Variants in RAB40C observed in about 807,000 individuals in gnomAD.
RAB40C encodes the protein RAB40C, member RAS oncogene family, also known as ras-related protein Rab-40C.
In RAB40C, 8 loss-of-function variants were observed where a neutral mutation model predicts 28.1. The ratio of observed to expected loss-of-function variants is 0.28; its 90% confidence interval spans 0.17 to 0.51. RAB40C has a LOEUF of 0.51. RAB40C is among the 20% of genes least tolerant of loss of function. RAB40C has a pLI of 0.97. For missense variants in RAB40C, 288 were observed against 405.9 expected (o/e 0.71, Z 2.50); for synonymous variants, 201 against 171.7 (o/e 1.17, Z -1.34).
At chr16:624,229 G>A in intron 3 of RAB40C, 4 of 985,412 alleles carry the variant, frequency 4.1e-6, no homozygotes, top group African/African-American at 1.7e-5. Context: ...TAGGGAGAGT[G>A]GGCTGTGTTG....
chr16:592,267 G>A (rs1269742940), intron 1 of RAB40C, among the ~76,000 whole-genome samples: 2 of 152,234 alleles, frequency 1.3e-5, no homozygotes, highest in Non-Finnish European at 2.9e-5. Flanking sequence ...TGGCTGCTGA[G>A]AGTGTGGGCG....
chr16:624,700 T>A, intron 3 of RAB40C: 4 of 985,462 alleles, frequency 4.1e-6, no homozygotes, highest in Non-Finnish European at 4.8e-6. Context: ...TGGATCTGGT[T>A]GCAGAATTGT....
intron 1 of RAB40C, among the ~76,000 whole-genome samples, chr16:603,893 G>A (rs942946057): frequency 6.6e-6 from 1 of 152,136 alleles, no homozygotes; most frequent in Non-Finnish European, 1.5e-5. Flanking sequence ...ACTTATTCAT[G>A]ATGTACAATA....
In RAB40C at chr16:619,399, A is replaced by G. The variant is rs568421315; in HGVS notation, c.264+1139A>G. The stretch of plus-strand genomic sequence containing the variant: ...CCATGTGTGCAGTGTGTGTGCAGGT[A>G]TGGTGGGTGCGCTTGGCCACCCTCG... On this transcript the variant is annotated intron_variant, in intron 3 of 5. Transcript: ENST00000248139. Among the ~76,000 whole-genome samples, 24 of 151,864 alleles carry G rather than the reference A, an allele frequency of 1.6e-4. 2 individuals are homozygous for G. The South Asian group carries it at 3.0e-3, about 19-fold the overall frequency.
chr16:623,010 G>A lies in RAB40C; in HGVS notation c.265-2422G>A, dbSNP rs1164246206. On this transcript the variant is annotated intron_variant, in intron 3 of 5. Coordinates refer to ENST00000248139, the MANE Select transcript of RAB40C (RefSeq NM_021168.5). ...TCCCTGCGGCCTCACTGTGACCCACGCCGGAGCAAGCCTCCGGGTCCTCCT... is the reference window on the plus strand; with the variant it reads ...TCCCTGCGGCCTCACTGTGACCCACACCGGAGCAAGCCTCCGGGTCCTCCT... Among the ~76,000 whole-genome samples the A allele has an allele frequency of 2.0e-5, 3 of 151,846 alleles. No individual in the cohort carries two copies. The East Asian group carries it at 5.8e-4, about 29-fold the overall frequency.
At position 626,125 on chromosome 16, in the gene RAB40C, G is replaced by T. The variant is rs181055164; in HGVS notation, c.565+4G>T. On this transcript the variant is annotated splice_donor_region_variant and intron_variant, in intron 5 of 5. Transcript: ENST00000248139. ...AAGATCTGGAGGCCCAACCGAGGTGGGTGGGCGGGCGCCGGCCAGCCCTGA... is the reference window on the plus strand; with the variant it reads ...AAGATCTGGAGGCCCAACCGAGGTGTGTGGGCGGGCGCCGGCCAGCCCTGA... 1.9e-6 allele frequency: 3 copies of T among 1,611,452 alleles called. No individual in the cohort carries two copies. The highest frequency in any genetic ancestry group is 2.5e-6 in the Non-Finnish European group (3 of 1,178,824).
chr16:620,780 C>T (rs1198180614), intron 3 of RAB40C, among the ~76,000 whole-genome samples: 8 of 112,772 alleles, frequency 7.1e-5, no homozygotes, highest in African/African-American at 2.2e-4. Flanking sequence ...GGCTCCACCG[C>T]GGGCATCCCA....
At chr16:625,858 G>A (rs1227915647) in intron 4 of RAB40C, 41 bp from the exon 5 acceptor site, 1 of 1,548,816 alleles carries the variant, frequency 6.5e-7, no homozygotes, top group Non-Finnish European at 8.8e-7. Context: ...GGGGTGGGTG[G>A]CACCCTGCGT....
chr16:627,724 C>G lies in RAB40C; in HGVS notation c.*102C>G. The G allele has an allele frequency of 7.4e-7, 1 of 1,356,792 alleles. No individual in the cohort carries two copies. Among genetic ancestry groups the G allele is most frequent in the South Asian group, 1.5e-5 (1 of 67,286 alleles). 84.0% of individuals were successfully genotyped at this position (1,356,792 alleles called of 1,614,324 possible). A position where few individuals can be genotyped will look rare whatever the true frequency, so the allele number is the denominator to read the frequency against. On this transcript the variant is annotated 3_prime_UTR_variant, in exon 6 of 6. Transcript: ENST00000248139. ...GCCGCCTACGTGGAGACTGTCCACA[C>G]AGCTGCCTCAGAAGCGCCGGGCTTT...
At chr16:604,188 G>A (rs2036311107) in intron 1 of RAB40C, among the ~76,000 whole-genome samples, 1 of 151,654 alleles carries the variant, frequency 6.6e-6, no homozygotes, top group Non-Finnish European at 1.5e-5. Flanking sequence ...CCTAGCAGCT[G>A]GGACTACAGG....
intron 3 of RAB40C, among the ~76,000 whole-genome samples, chr16:618,696 TGTA>T (rs1298021115): frequency 6.8e-6 from 1 of 147,812 alleles, no homozygotes; most frequent in Non-Finnish European, 1.5e-5. Flanking sequence ...TGTGCACAGG[TGTA>T]GTGGGTGCAC....
At chr16:593,779 C>T (rs1249276402) in intron 1 of RAB40C, among the ~76,000 whole-genome samples, 2 of 152,222 alleles carry the variant, frequency 1.3e-5, no homozygotes. Flanking sequence ...GTTTCTGGAT[C>T]TCTAGGTCTG....
chr16:610,063 T>C lies in RAB40C; in HGVS notation c.143-7145T>C, dbSNP rs560011177. Among the ~76,000 whole-genome samples the C allele has an allele frequency of 6.6e-6, 1 of 152,318 alleles. No homozygotes were observed. The highest frequency in any genetic ancestry group is 2.1e-4 in the South Asian group (1 of 4,818). On this transcript the variant is annotated intron_variant, in intron 1 of 5. Transcript: ENST00000248139. This position sits in a 1 kb window ranked among gnomAD's most constrained non-coding sequence, Gnocchi z 4.6. ...TCGGGTGCCAGGCCAGGGCCAGATG[T>C]AGCCTCATACCAGCCCAGCTGGGAG...
In RAB40C at chr16:618,870, G is replaced by A. The variant is rs535720962; in HGVS notation, c.264+610G>A. ...GTGCAGGCATGTGCACAGGTCTGGC[G>A]GGGGCACTGGGGCCATGTGTGCAGT... On this transcript the variant is annotated intron_variant, in intron 3 of 5. Transcript: ENST00000248139. Among the ~76,000 whole-genome samples the A allele has an allele frequency of 3.2e-4, 33 of 103,874 alleles. 1 individual carries two copies. Among genetic ancestry groups the A allele is most frequent in the Non-Finnish European group, 5.2e-4 (27 of 52,190 alleles). The allele number at this position is 103,874 out of a possible 152,430, so 68.1% of individuals were successfully genotyped here. A position where few individuals can be genotyped will look rare whatever the true frequency, so the allele number is the denominator to read the frequency against.
At chr16:625,574 G>C in intron 4 of RAB40C, 65 bp downstream of exon 4, 1 of 1,522,350 alleles carries the variant, frequency 6.6e-7, no homozygotes, top group Non-Finnish European at 9.0e-7. Context: ...TGGGCCCCGG[G>C]TAGGCTCTGG....
chr16:618,103 C>A lies in RAB40C; in HGVS notation c.204-97C>A, dbSNP rs2036626149. 6.7e-6 allele frequency: 8 copies of A among 1,196,802 alleles called. No homozygotes were observed. The South Asian group carries it at 9.1e-5, about 14-fold the overall frequency. The allele number at this position is 1,196,802 out of a possible 1,614,324, so 74.1% of individuals were successfully genotyped here. A position where few individuals can be genotyped will look rare whatever the true frequency, so the allele number is the denominator to read the frequency against. On this transcript the variant is annotated intron_variant, in intron 2 of 5. Coordinates refer to ENST00000248139, the MANE Select transcript of RAB40C (RefSeq NM_021168.5). ...TGGCACCTGTCCTGGCCGCCCCGCT[C>A]CCCTCAGGACATCCAGGTGGGTCGG...
chr16:608,935 C>T (rs528963079), intron 1 of RAB40C, among the ~76,000 whole-genome samples: 11 of 152,076 alleles, frequency 7.2e-5, no homozygotes, highest in African/African-American at 2.2e-4. Context: ...GGCAACACAG[C>T]GAGACCCCTG....
At chr16:617,583 C>T (rs554631634) in intron 2 of RAB40C, among the ~76,000 whole-genome samples, 9 of 152,212 alleles carry the variant, frequency 5.9e-5, no homozygotes, top group African/African-American at 2.2e-4. Context: ...TGGCTCACGC[C>T]TGTCATCCCA....
intron 1 of RAB40C, 110 bp from the exon 2 acceptor site, chr16:617,098 C>G (rs2036602175): frequency 1.7e-6 from 2 of 1,151,190 alleles, no homozygotes; most frequent in South Asian, 1.2e-5. Flanking sequence ...GGAGCTGCTT[C>G]TCCACTTCCG....
Sources: gnomAD v4.1 joint callset for allele counts (sites outside exome capture counted in the v4.1 genomes callset) on GRCh38, gnomAD v4.1.1 for gene constraint, Gnocchi (gnomAD v3.1) non-coding constraint, MANE v1.5 for transcripts, NCBI Gene and HGNC (gene_info 2026-07-23, HGNC 2026-07-21) for gene names.